The following RNASEL variants were observed in gnomAD, a reference collection of about 807,000 sequenced individuals.
RNASEL encodes 2-5A-dependent ribonuclease.
In RNASEL, 36 loss-of-function variants were observed where a neutral mutation model predicts 50.9. That is an observed-to-expected ratio of 0.71 (90% CI 0.54 to 0.93). The LOEUF (loss-of-function observed/expected upper bound fraction) is 0.93. Ranked by LOEUF, RNASEL falls within the 40% of genes least tolerant of loss-of-function variation. RNASEL has a pLI of 0.00. For synonymous variants in RNASEL, 335 were observed against 335.6 expected (o/e 1.00, Z 0.02); for missense variants, 860 against 894.5 (o/e 0.96, Z 0.49).
chr1:182,582,144 C>T lies in RNASEL; in HGVS notation c.1681G>A (p.Asp561Asn). 6.2e-7 allele frequency: 1 copy of T among 1,614,172 alleles called. No homozygotes were observed. Among genetic ancestry groups the T allele is most frequent in the Non-Finnish European group, 8.5e-7 (1 of 1,179,988 alleles). ...GGATGGAAGAGACGATGAATGAGGT[C>T]CTTAGTTTCCTCATCTGGAGAAAGT... is the stretch of plus-strand genomic sequence containing the variant. ...VQLSPDEETK[D>N]LIHRLFHPGE... The change falls in exon 4 of 7, where the codon GAC becomes AAC. Residue 561 changes from aspartate to asparagine, a missense_variant. Asp to Asn is a conservative substitution (Grantham distance 23). Transcript: ENST00000367559.
rs750927289 is a variant in RNASEL at position 182,586,551 on chromosome 1, C to G, written c.256G>C (p.Val86Leu). The G allele has an allele frequency of 6.2e-6, 10 of 1,607,672 alleles. No homozygotes were observed. Among genetic ancestry groups the G allele is most frequent in the Non-Finnish European group, 8.5e-6 (10 of 1,175,630 alleles). Residue 86 changes from valine to leucine, a missense_variant, in exon 2 of 7, where the codon GTT (valine) becomes CTT (leucine). Physicochemically the swap from Val to Leu is conservative, Grantham distance 32. Transcript: ENST00000367559. Reference sequence around the variant, plus strand: ...GTGGCCCCATTCTTCTTCCTCAGAACAGGGTCAGCACCATGACGAAGCAGA... The same window carrying G: ...GTGGCCCCATTCTTCTTCCTCAGAAGAGGGTCAGCACCATGACGAAGCAGA... ...ELLLRHGADPVLRKKNGATPF... is the reference protein window; with the variant it reads ...ELLLRHGADPLLRKKNGATPF...
chr1:182,579,277 C>G (rs1246310702), intron 5 of RNASEL: 1 of 985,670 alleles, frequency 1.0e-6, no homozygotes, highest in Non-Finnish European at 1.2e-6. Context: ...CAGGGCAACT[C>G]CTTTCATATC....
chr1:182,582,228 T>A lies in RNASEL; in HGVS notation c.1597A>T (p.Lys533Ter), dbSNP rs1315899852. The A allele has an allele frequency of 6.2e-7, 1 of 1,614,162 alleles. No individual in the cohort carries two copies. Among genetic ancestry groups the A allele is most frequent in the Admixed American group, 1.7e-5 (1 of 60,032 alleles). The change falls in exon 4 of 7, where the codon AAG (lysine) becomes TAG (stop). Residue 533 changes from lysine (K) to a stop codon, truncating the protein, a stop_gained. Transcript: ENST00000367559. LOFTEE classifies it high-confidence loss of function. ...TCCTCAAATGAGATGCTTCCCTTCT[T>A]TACCACATAGAGGACCAGCCGTCCA... is the stretch of plus-strand genomic sequence containing the variant. ...DLGRLVLYVVKKGSISFEDLK... is the reference protein window; with the variant it reads ...DLGRLVLYVV
chr1:182,584,502 G>A (rs1270172972), intron 2 of RNASEL, among the ~76,000 whole-genome samples: 1 of 152,158 alleles, frequency 6.6e-6, no homozygotes, highest in Non-Finnish European at 1.5e-5. Context: ...CCCTTACACT[G>A]AGCTTAAATC....
At chr1:182,579,851 ATGAG>A in intron 5 of RNASEL, 1 of 617,632 alleles carries the variant, frequency 1.6e-6, no homozygotes, top group Non-Finnish European at 2.7e-6. Flanking sequence ...CAGTGAGTAA[ATGAG>A]TTGGTAGACT....
Position 182,574,175 on chromosome 1 carries a change from A to G in RNASEL, c.*1217T>C. The G allele has an allele frequency of 4.5e-6, 1 of 223,760 alleles. No homozygotes were observed. Among genetic ancestry groups the G allele is most frequent in the East Asian group, 6.6e-5 (1 of 15,240 alleles). 13.9% of individuals were successfully genotyped at this position (223,760 alleles called of 1,614,324 possible). A position where few individuals can be genotyped will look rare whatever the true frequency, so the allele number is the denominator to read the frequency against. ...ATTCATGTACGAAGATGGTTCATTC[A>G]TTATTCAATGAATATTTATTAAACA... On this transcript the variant is annotated 3_prime_UTR_variant, in exon 7 of 7. Transcript: ENST00000367559.
At position 182,574,392 on chromosome 1, in the gene RNASEL, T is replaced by G. The variant is rs951518707; in HGVS notation, c.*1000A>C. Reference sequence around the variant, plus strand: ...GTGAGGGAGGCCTGGGAGCCTCCTGTGGGGCTGACACCAGAAGGAACTCCA... The same window carrying G: ...GTGAGGGAGGCCTGGGAGCCTCCTGGGGGGCTGACACCAGAAGGAACTCCA... On this transcript the variant is annotated 3_prime_UTR_variant, in exon 7 of 7. Transcript: ENST00000367559. The G allele has an allele frequency of 1.3e-5, 3 of 228,380 alleles. No individual in the cohort carries two copies. The highest frequency in any genetic ancestry group is 6.7e-5 in the African/African-American group (3 of 45,008). 14.1% of individuals were successfully genotyped at this position (228,380 alleles called of 1,614,324 possible).
rs758417370 is a variant in RNASEL, at chr1:182,575,580, T to C, written c.2040-2A>G. The C allele has an allele frequency of 2.4e-5, 39 of 1,614,050 alleles. No individual in the cohort carries two copies. Among genetic ancestry groups the C allele is most frequent in the Non-Finnish European group, 3.2e-5 (38 of 1,180,014 alleles). On this transcript the variant is annotated splice_acceptor_variant, in intron 6 of 6. Transcript: ENST00000367559. LOFTEE classifies it high-confidence loss of function. ...GGGTCTCCAATTTTTAATTTCATCC[T>C]GAAATAAAACACAAATTGTTCAGCA...
chr1:182,581,090 G>C, intron 5 of RNASEL, 135 bp downstream of exon 5: 1 of 1,302,178 alleles, frequency 7.7e-7, no homozygotes, highest in Admixed American at 1.7e-5. Flanking sequence ...ATAGGGATGG[G>C]AGGGCAGGAG....
intron 4 of RNASEL, among the ~76,000 whole-genome samples, chr1:182,581,762 G>A (rs1301710795): frequency 5.3e-5 from 8 of 152,042 alleles, no homozygotes; most frequent in Non-Finnish European, 1.2e-4. Flanking sequence ...TTACAGGCGT[G>A]AGCCACCGCG....
chr1:182,584,927 G>A (rs1661563023), intron 2 of RNASEL, among the ~76,000 whole-genome samples: 3 of 152,142 alleles, frequency 2.0e-5, no homozygotes, highest in South Asian at 2.1e-4. Flanking sequence ...TCTTCACTAC[G>A]TCACATCTTG....
rs772074554 is a variant in RNASEL at position 182,586,647 on chromosome 1, G to A, written c.160C>T (p.Gln54Ter). 6.2e-7 allele frequency: 1 copy of A among 1,613,526 alleles called. No homozygotes were observed. Among genetic ancestry groups the A allele is most frequent in the Admixed American group, 1.7e-5 (1 of 60,000 alleles). Residue 54 changes from glutamine (Q) to a stop codon, truncating the protein, a stop_gained, in exon 2 of 7, where the codon CAG (glutamine) becomes TAG (stop). Transcript: ENST00000367559. LOFTEE classifies it high-confidence loss of function. ...LLEGGANVNFQEEEGGWTPLH... is the reference protein window; with the variant it reads ...LLEGGANVNF ...GGTGTCCAGCCCCCTTCCTCTTCCTGGAAATTAACATTGGCTCCACCTTCC... is the reference window on the plus strand; with the variant it reads ...GGTGTCCAGCCCCCTTCCTCTTCCTAGAAATTAACATTGGCTCCACCTTCC...
At position 182,586,177 on chromosome 1, in the gene RNASEL, G is replaced by T; in HGVS notation, c.630C>A (p.Leu210=). The T allele has an allele frequency of 1.2e-6, 2 of 1,614,180 alleles. No homozygotes were observed. The highest frequency in any genetic ancestry group is 1.7e-6 in the Non-Finnish European group (2 of 1,180,028). ...NMGRNALIHA[L]LSSDDSDVEA... is the part of the protein sequence containing the mutation. ...CCACATCACTATCGTCAGAGCTCAG[G>T]AGAGCATGGATCAAGGCATTTCTGC... The change falls in exon 2 of 7, where the codon CTC becomes CTA. Residue 210 remains leucine, a synonymous_variant. Transcript: ENST00000367559.
chr1:182,581,740 A>T (rs1431655374), intron 4 of RNASEL, among the ~76,000 whole-genome samples: 1 of 151,768 alleles, frequency 6.6e-6, no homozygotes, highest in Non-Finnish European at 1.5e-5. Flanking sequence ...TCGGCCTCCC[A>T]AAGTGCTGGG....
In RNASEL at chr1:182,573,690, T is replaced by C. The variant is rs1661333733; in HGVS notation, c.*1702A>G. On this transcript the variant is annotated 3_prime_UTR_variant, in exon 7 of 7. Transcript: ENST00000367559. Reference sequence around the variant, plus strand: ...TCACAAATGGGCATTTTAATTGACATGTCCAGGTGCTCATTACAAATCAGA... The same window carrying C: ...TCACAAATGGGCATTTTAATTGACACGTCCAGGTGCTCATTACAAATCAGA... The C allele has an allele frequency of 1.1e-5, 2 of 181,552 alleles. No individual in the cohort carries two copies. Among genetic ancestry groups the C allele is most frequent in the South Asian group, 3.9e-4 (2 of 5,084 alleles). The allele number at this position is 181,552 out of a possible 1,614,324, so 11.2% of individuals were successfully genotyped here.
rs544752855 is a variant in RNASEL at position 182,579,463 on chromosome 1, G to A, written c.1905+1762C>T. On this transcript the variant is annotated intron_variant, in intron 5 of 6. Coordinates refer to ENST00000367559, the MANE Select transcript of RNASEL (RefSeq NM_021133.4). ...GAGCAATGCTAGTGAGGATGCTGCT[G>A]AGACTGGCCAGGTGCACTCTGTGCA... The A allele has an allele frequency of 1.4e-4, 144 of 1,010,368 alleles. 1 individual carries two copies. In the South Asian group the frequency reaches 5.3e-3, roughly 37 times the overall value. The allele number at this position is 1,010,368 out of a possible 1,614,324, so 62.6% of individuals were successfully genotyped here.
In RNASEL at chr1:182,576,553, G is replaced by A. The variant is rs190292485; in HGVS notation, c.1906-164C>T. On this transcript the variant is annotated intron_variant, in intron 5 of 6. Transcript: ENST00000367559. Reference sequence around the variant, plus strand: ...TAATTTAAAAATGGAAGTAAATGCTGTATACCAAAATGCTAACTATAATTG... The same window carrying A: ...TAATTTAAAAATGGAAGTAAATGCTATATACCAAAATGCTAACTATAATTG... Among the ~76,000 whole-genome samples, 515 of 152,228 alleles carry A rather than the reference G, an allele frequency of 3.4e-3. 8 individuals are homozygous for A. Among genetic ancestry groups the A allele is most frequent in the Non-Finnish European group, 4.9e-3 (336 of 68,012 alleles).
intron 5 of RNASEL, chr1:182,576,939 C>G (rs372684302): frequency 1.3e-5 from 2 of 149,770 alleles, no homozygotes; most frequent in African/African-American, 2.5e-5. Flanking sequence ...TACAGTGGTG[C>G]GATCTTGGCT....
chr1:182,588,928 C>A (rs1661650071), intron 1 of RNASEL, among the ~76,000 whole-genome samples: 1 of 152,172 alleles, frequency 6.6e-6, no homozygotes, highest in Admixed American at 6.5e-5. Flanking sequence ...CTCTGTGCGA[C>A]CTGAGTAAGT....
Sources: allele counts gnomAD v4.1 joint callset (sites outside exome capture counted in the v4.1 genomes callset), GRCh38; gene constraint gnomAD v4.1.1; transcripts MANE v1.5; gene names NCBI Gene and HGNC (gene_info 2026-07-23, HGNC 2026-07-21).